EYS: variants seen among roughly 807,000 people sequenced by gnomAD.
EYS encodes protein eyes shut homolog.
A neutral mutation model predicts 282.1 loss-of-function variants in EYS; 250 were observed. That is an observed-to-expected ratio of 0.89 (90% CI 0.80 to 0.98). The LOEUF is 0.98. Among genes scored for constraint, EYS ranks in the 50% least tolerant of loss-of-function variants. The pLI is 0.00. For synonymous variants in EYS, 1,355 were observed against 1,282.9 expected, an observed-to-expected ratio of 1.06 and a Z score of -1.20; for missense variants, 4,016 against 3,709.0, an observed-to-expected ratio of 1.08 and a Z score of -2.15.
intron 31 of EYS, among the ~76,000 whole-genome samples, chr6:64,150,469 G>GT (rs938237999): frequency 2.6e-5 from 4 of 151,938 alleles, no homozygotes; most frequent in African/African-American, 4.8e-5. Flanking sequence ...ACATATTCAA[G>GT]TTTTTTTTCC....
At chr6:64,468,604 G>A (rs114458464) in intron 26 of EYS, among the ~76,000 whole-genome samples, 2,486 of 152,202 alleles carry the variant, frequency 0.016, 23 homozygotes, top group South Asian at 0.035. Flanking sequence ...TGATCACACA[G>A]GTAATAAAAC....
chr6:64,337,736 T>C (rs895547818), intron 29 of EYS, among the ~76,000 whole-genome samples: 1 of 151,964 alleles, frequency 6.6e-6, no homozygotes, highest in African/African-American at 2.4e-5. Context: ...CTTAACAAAA[T>C]ACTAGCCAAC....
At chr6:65,238,186 T>C (rs1324379221) in intron 12 of EYS, among the ~76,000 whole-genome samples, 2 of 151,310 alleles carry the variant, frequency 1.3e-5, no homozygotes, top group Non-Finnish European at 3.0e-5. Flanking sequence ...ATTCCTGTTA[T>C]ATTTTTTACT....
At chr6:64,840,371 C>T (rs111948134) in intron 19 of EYS, among the ~76,000 whole-genome samples, 323 of 152,122 alleles carry the variant, frequency 2.1e-3, no homozygotes, top group African/African-American at 7.1e-3. Flanking sequence ...TTTCTGAGTG[C>T]TCTGCAGTTC....
At chr6:65,480,881 T>A (rs1168495854) in intron 5 of EYS, among the ~76,000 whole-genome samples, 2 of 152,200 alleles carry the variant, frequency 1.3e-5, no homozygotes, top group African/African-American at 4.8e-5. Flanking sequence ...CTGCATGTTC[T>A]CACTCATATG....
chr6:64,066,240 T>C, intron 33 of EYS, 98 bp downstream of exon 33: 3 of 1,073,604 alleles, frequency 2.8e-6, no homozygotes, highest in South Asian at 1.5e-5. Flanking sequence ...ATCACACCAC[T>C]GCGCTCCAGA....
intron 35 of EYS, among the ~76,000 whole-genome samples, chr6:63,965,531 T>C (rs1766265354): frequency 6.6e-6 from 1 of 152,198 alleles, no homozygotes; most frequent in African/African-American, 2.4e-5. Context: ...AGGTATCAAA[T>C]TGTCCTTCTT....
intron 13 of EYS, among the ~76,000 whole-genome samples, chr6:65,024,479 C>T (rs1182560887): frequency 6.6e-6 from 1 of 152,186 alleles, no homozygotes; most frequent in Non-Finnish European, 1.5e-5. Flanking sequence ...ATGAATTCAA[C>T]CTCATTACAG....
intron 2 of EYS, among the ~76,000 whole-genome samples, chr6:65,563,294 C>T (rs925212982): frequency 2.0e-5 from 3 of 151,894 alleles, no homozygotes; most frequent in South Asian, 2.1e-4. Flanking sequence ...AAAATTAAAT[C>T]AAAATATCTC....
At chr6:65,475,453 T>C (rs1765365588) in intron 5 of EYS, among the ~76,000 whole-genome samples, 1 of 152,146 alleles carries the variant, frequency 6.6e-6, no homozygotes, top group Non-Finnish European at 1.5e-5. Context: ...AATTATAGGC[T>C]AAATTTACAC....
intron 2 of EYS, among the ~76,000 whole-genome samples, chr6:65,529,075 C>A (rs1475286177): frequency 1.3e-5 from 2 of 151,920 alleles, no homozygotes; most frequent in Admixed American, 1.3e-4. Context: ...AAATTAACCG[C>A]CATCTTGAAG....
intron 14 of EYS, among the ~76,000 whole-genome samples, chr6:64,949,912 C>A (rs1399176489): frequency 6.6e-6 from 1 of 151,798 alleles, no homozygotes; most frequent in African/African-American, 2.4e-5. Flanking sequence ...CTTAGCCTAG[C>A]GACAAATAAT....
intron 6 of EYS, 100 bp downstream of exon 6, chr6:65,405,074 C>G: frequency 2.5e-6 from 2 of 815,604 alleles, no homozygotes; most frequent in Non-Finnish European, 2.0e-6. Context: ...AACAATTAAA[C>G]TACCTTAATA....
intron 2 of EYS, among the ~76,000 whole-genome samples, chr6:65,562,752 T>G (rs1258350132): frequency 4.6e-5 from 7 of 152,142 alleles, no homozygotes; most frequent in Non-Finnish European, 8.8e-5. Flanking sequence ...AAGTTAATTT[T>G]ATTTCTATAG....
chr6:65,647,742 A>T (rs1170240595), intron 1 of EYS, among the ~76,000 whole-genome samples: 1 of 152,188 alleles, frequency 6.6e-6, no homozygotes, highest in East Asian at 1.9e-4. Context: ...CAACCCAGTA[A>T]TTGGGGGTAA....
At chr6:65,152,559 G>GA (rs1764638326) in intron 12 of EYS, among the ~76,000 whole-genome samples, 1 of 151,654 alleles carries the variant, frequency 6.6e-6, no homozygotes, top group African/African-American at 2.4e-5. Flanking sequence ...AGAGACTTAA[G>GA]AAAAAAATAA....
chr6:64,891,742 A>G (rs1767298634), intron 18 of EYS, among the ~76,000 whole-genome samples: 1 of 152,130 alleles, frequency 6.6e-6, no homozygotes, highest in Admixed American at 6.6e-5. Flanking sequence ...TGCATTTTAT[A>G]TTAAAGGTCC....
intron 33 of EYS, among the ~76,000 whole-genome samples, chr6:64,027,849 A>T (rs1769609166): frequency 6.6e-6 from 1 of 152,102 alleles, no homozygotes; most frequent in South Asian, 2.1e-4. Context: ...TCATGTCATC[A>T]CCCTCACTGA....
At chr6:65,674,302 A>C (rs1768498691) in intron 1 of EYS, among the ~76,000 whole-genome samples, 1 of 151,866 alleles carries the variant, frequency 6.6e-6, no homozygotes, top group South Asian at 2.1e-4. Context: ...AGTGGCATAA[A>C]CTCAAAGAAG....
Sources: allele counts gnomAD v4.1 joint callset (sites outside exome capture counted in the v4.1 genomes callset), GRCh38; gene constraint gnomAD v4.1.1; transcripts MANE v1.5; gene names NCBI Gene and HGNC (gene_info 2026-07-23, HGNC 2026-07-21).